Variants in USP42 observed in about 807,000 individuals in gnomAD.
The protein encoded by USP42 is ubiquitin specific peptidase 42, also known as ubiquitin carboxyl-terminal hydrolase 42.
Under a neutral mutation model 113.0 loss-of-function variants are expected in USP42, and 23 were observed. That is an observed-to-expected ratio of 0.20 (90% CI 0.15 to 0.29). The LOEUF is 0.29. Ranked by LOEUF, USP42 falls within the 10% of genes least tolerant of loss-of-function variation. The probability of loss-of-function intolerance (pLI) is 1.00; values close to 1 mark genes in which losing one functional copy is unlikely to be tolerated. For missense variants in USP42, 2,174 were observed against 1,779.8 expected, an observed-to-expected ratio of 1.22 and a Z score of -3.99; for synonymous variants, 933 against 699.0, an observed-to-expected ratio of 1.33 and a Z score of -5.28.
chr7:6,083,605 T>A, the USP42 span, among the ~76,000 whole-genome samples: 1 of 150,394 alleles, frequency 6.6e-6, no homozygotes, highest in South Asian at 2.1e-4. Context: ...CACATATATA[T>A]ACCCAGAAAC....
At chr7:6,135,984 AT>A in intron 4 of USP42, 33 bp downstream of exon 4, 1 of 1,009,778 alleles carries the variant, frequency 9.9e-7, no homozygotes, top group Non-Finnish European at 1.4e-6. Context: ...TTATATTTGT[AT>A]TTATTACCTA....
intron 1 of USP42, among the ~76,000 whole-genome samples, chr7:6,110,102 G>C (rs1386893844): frequency 6.6e-6 from 1 of 151,982 alleles, no homozygotes; most frequent in African/African-American, 2.4e-5. Flanking sequence ...CCAAGGTGCT[G>C]CAATTATAGG....
chr7:6,139,198 A>C lies in USP42; in HGVS notation c.656+4A>C. ...CATGCTTGAATGGCAGCAATAAGTA[A>C]GTACAACAGAGCGCCAGCCATGTCT... On this transcript the variant is annotated splice_donor_region_variant and intron_variant, in intron 5 of 17. Coordinates refer to ENST00000306177, the MANE Select transcript of USP42 (RefSeq NM_032172.3). This position sits in a 1 kb window ranked among gnomAD's most constrained non-coding sequence, Gnocchi z 4.5. The C allele has an allele frequency of 6.3e-7, 1 of 1,586,294 alleles. No homozygotes were observed. Among genetic ancestry groups the C allele is most frequent in the Non-Finnish European group, 8.6e-7 (1 of 1,164,666 alleles).
intron 4 of USP42, among the ~76,000 whole-genome samples, chr7:6,137,947 G>C (rs930132800): frequency 6.6e-6 from 1 of 152,098 alleles, no homozygotes; most frequent in Admixed American, 6.5e-5. Context: ...CCAAAGTGTT[G>C]GAATTACAGG....
chr7:6,100,004 C>CTATTTTTATTTTTATTATTATTAT (rs141280623), upstream of USP42, among the ~76,000 whole-genome samples: 1 of 144,290 alleles, frequency 6.9e-6, no homozygotes, highest in Non-Finnish European at 1.5e-5. Context: ...TTTCACAAGT[C>CTATTTTTATTTTTATTATTATTAT]TATTATTATT....
intron 1 of USP42, among the ~76,000 whole-genome samples, chr7:6,106,557 T>A (rs1779289347): frequency 6.6e-6 from 1 of 152,130 alleles, no homozygotes; most frequent in Non-Finnish European, 1.5e-5. Context: ...AGATCCAACC[T>A]CGATTCATGT....
At chr7:6,156,462 A>C (rs1431449609) in intron 15 of USP42, among the ~76,000 whole-genome samples, 1 of 151,856 alleles carries the variant, frequency 6.6e-6, no homozygotes, top group Non-Finnish European at 1.5e-5. Flanking sequence ...AACTTGTTAA[A>C]TTTTTGAGAC....
the USP42 span, among the ~76,000 whole-genome samples, chr7:6,092,151 CTTCTTCTTCTTCT>C: frequency 2.2e-5 from 3 of 138,284 alleles, no homozygotes; most frequent in Admixed American, 7.4e-5. Context: ...TCCTCTTCCT[CTTCTTCTTCTTCT>C]TTCTTCTTCT....
chr7:6,104,528 C>T (rs1458547938), upstream of USP42, among the ~76,000 whole-genome samples: 1 of 152,248 alleles, frequency 6.6e-6, no homozygotes, highest in African/African-American at 2.4e-5. Context: ...CAGACTCCTG[C>T]GTCCCCAGGT....
Position 6,154,824 on chromosome 7 carries a change from G to T in USP42, c.3270G>T (p.Glu1090Asp). The T allele has an allele frequency of 6.5e-7, 1 of 1,542,584 alleles. No individual in the cohort carries two copies. Among genetic ancestry groups the T allele is most frequent in the Non-Finnish European group, 8.8e-7 (1 of 1,142,770 alleles). Reference sequence around the variant, plus strand: ...AGCACGAGCGGGCCGGGCTGCACGAGCGGCCGCACAAGGACCACAACCGGG... The same window carrying T: ...AGCACGAGCGGGCCGGGCTGCACGATCGGCCGCACAAGGACCACAACCGGG... ...GREHERAGLH[E>D]RPHKDHNRGR... Residue 1090 changes from glutamate to aspartate, a missense_variant, in exon 15 of 18, where the codon GAG (glutamate) becomes GAT (aspartate). By Grantham distance (45) the Glu-to-Asp change is conservative. Coordinates refer to ENST00000306177, the MANE Select transcript of USP42 (RefSeq NM_032172.3).
chr7:6,136,023 GAGAC>G (rs1467173525), intron 4 of USP42, 72 bp downstream of exon 4: 1 of 679,432 alleles, frequency 1.5e-6, no homozygotes, highest in Non-Finnish European at 2.2e-6. Flanking sequence ...TTTTTTTTTC[GAGAC>G]AGAGTCTTGC....
At position 6,147,850 on chromosome 7, in the gene USP42, G is replaced by A. The variant is rs567439071; in HGVS notation, c.1344G>A (p.Ala448=). Residue 448 remains alanine, a synonymous_variant, in exon 12 of 18, where the codon GCG becomes GCA. Coordinates refer to ENST00000306177, the MANE Select transcript of USP42 (RefSeq NM_032172.3). ...SQRVVTNKQA[A]PGFIGPQLPS... ...GGGTTGTCACCAACAAACAGGCTGC[G>A]CCAGGCTTTATCGGACCACAGCTTC... 26 of 1,613,036 alleles carry A rather than the reference G, an allele frequency of 1.6e-5. No homozygotes were observed. The highest frequency in any genetic ancestry group is 8.3e-5 in the Admixed American group (5 of 59,894).
In USP42 at chr7:6,153,887, C is replaced by T. The variant is rs1285509280; in HGVS notation, c.2333C>T (p.Pro778Leu). The T allele has an allele frequency of 1.9e-6, 3 of 1,575,460 alleles. No homozygotes were observed. Among genetic ancestry groups the T allele is most frequent in the African/African-American group, 1.4e-5 (1 of 73,700 alleles). ...GLSSTKKAPPPRDPGTPATKE... is the reference protein window; with the variant it reads ...GLSSTKKAPPLRDPGTPATKE... The stretch of plus-strand genomic sequence containing the variant: ...AGCAGCACCAAGAAGGCTCCGCCGC[C>T]CCGCGATCCCGGCACCCCCGCTACC... Residue 778 changes from proline (P) to leucine (L), a missense_variant, in exon 15 of 18, where the codon CCC (proline) becomes CTC (leucine). Transcript: ENST00000306177.
At position 6,154,715 on chromosome 7, in the gene USP42, C is replaced by A. The variant is rs781494163; in HGVS notation, c.3161C>A (p.Pro1054Gln). The change falls in exon 15 of 18, where the codon CCG becomes CAG. Residue 1054 changes from proline (P) to glutamine (Q), a missense_variant. Physicochemically the swap from Pro to Gln is moderately conservative, Grantham distance 76 (BLOSUM62 -1). Coordinates refer to ENST00000306177, the MANE Select transcript of USP42 (RefSeq NM_032172.3). ...WGREKFYPDR[P>Q]RWDRCRYYHD... ...CGGGAGAAGTTCTACCCCGACAGGC[C>A]GCGCTGGGACAGGTGCCGGTACTAC... 1.9e-6 allele frequency: 3 copies of A among 1,593,804 alleles called. No homozygotes were observed. In the South Asian group the frequency reaches 3.4e-5, roughly 18 times the overall value.
At chr7:6,098,242 T>C in the USP42 span, among the ~76,000 whole-genome samples, 1 of 150,334 alleles carries the variant, frequency 6.7e-6, no homozygotes, top group Admixed American at 6.6e-5. Flanking sequence ...AGTCCCATGA[T>C]GTATCAGAAC....
intron 4 of USP42, among the ~76,000 whole-genome samples, chr7:6,138,446 G>A (rs1215357824): frequency 6.6e-6 from 1 of 152,184 alleles, no homozygotes; most frequent in Non-Finnish European, 1.5e-5. Context: ...CACCAGCATA[G>A]CATTTTGGAC....
Position 6,147,900 on chromosome 7 carries a change from T to A in USP42, c.1386+8T>A, listed in dbSNP as rs1368548609. 6.3e-7 allele frequency: 1 copy of A among 1,574,806 alleles called. No homozygotes were observed. Among genetic ancestry groups the A allele is most frequent in the Non-Finnish European group, 8.6e-7 (1 of 1,156,768 alleles). On this transcript the variant is annotated splice_region_variant and intron_variant, in intron 12 of 17. Coordinates refer to ENST00000306177, the MANE Select transcript of USP42 (RefSeq NM_032172.3). ...CCCTCTCACATGATAAAGGTAACAG[T>A]CCTTAGGGAGAAGAACATTTTTATG... is the stretch of plus-strand genomic sequence containing the variant.
At chr7:6,085,908 C>T in the USP42 span, among the ~76,000 whole-genome samples, 4 of 151,170 alleles carry the variant, frequency 2.6e-5, 1 homozygote, top group African/African-American at 9.9e-5. Context: ...CCACCGTGCC[C>T]AGCCTATTAG....
In USP42 at chr7:6,154,346, A is replaced by AAGCCCCAGGCCC. The variant is rs778410210; in HGVS notation, c.2793_2804dup (p.Ala932_Pro935dup). On this transcript the variant is annotated inframe_insertion, in exon 15 of 18. Transcript: ENST00000306177. ...AGGGTCGAGGACGCCGCGGCGCCGA[A>AAGCCCCAGGCCC]AGCCCCAGGCCCTTCCCCAGCGAAG... The AAGCCCCAGGCCC allele has an allele frequency of 1.1e-5, 18 of 1,572,472 alleles. No homozygotes were observed. Among genetic ancestry groups the AAGCCCCAGGCCC allele is most frequent in the African/African-American group, 1.4e-5 (1 of 73,806 alleles).
Sources: allele counts gnomAD v4.1 joint callset (sites outside exome capture counted in the v4.1 genomes callset), GRCh38; gene constraint gnomAD v4.1.1; non-coding constraint Gnocchi (gnomAD v3.1); transcripts MANE v1.5; gene names NCBI Gene and HGNC (gene_info 2026-07-23, HGNC 2026-07-21).